The following CENPW variants were observed in gnomAD, a reference collection of about 807,000 sequenced individuals.
CENPW encodes the protein cancer-up-regulated gene 2 protein.
CENPW carries 3 observed loss-of-function variants against 11.1 expected under a neutral mutation model. That is an observed-to-expected ratio of 0.27 (90% CI 0.12 to 0.70). The LOEUF is 0.70. Ranked by LOEUF, CENPW falls within the 30% of genes least tolerant of loss-of-function variation. The pLI is 0.77. For missense variants in CENPW, 100 were observed against 105.6 expected (o/e 0.95, Z 0.23); for synonymous variants, 38 against 42.0 (o/e 0.91, Z 0.37).
the CENPW span, among the ~76,000 whole-genome samples, chr6:126,403,079 A>G: frequency 6.6e-6 from 1 of 152,056 alleles, no homozygotes; most frequent in Non-Finnish European, 1.5e-5. Context: ...GTTTTGGGAC[A>G]CCACAAATTA....
At chr6:126,403,701 G>A in the CENPW span, among the ~76,000 whole-genome samples, 1 of 152,026 alleles carries the variant, frequency 6.6e-6, no homozygotes, top group East Asian at 1.9e-4. Flanking sequence ...AGTACAAGAT[G>A]AAACAGTAAG....
At chr6:126,377,031 C>G in the CENPW span, among the ~76,000 whole-genome samples, 5 of 152,040 alleles carry the variant, frequency 3.3e-5, no homozygotes, top group African/African-American at 1.2e-4. Flanking sequence ...TTAATTATTT[C>G]ATTTGTAGAT....
the CENPW span, among the ~76,000 whole-genome samples, chr6:126,429,733 T>G: frequency 6.6e-6 from 1 of 152,192 alleles, no homozygotes; most frequent in Non-Finnish European, 1.5e-5. Context: ...CCAGTTAGGC[T>G]GAGTTTTAAA....
chr6:126,383,525 G>A, the CENPW span, among the ~76,000 whole-genome samples: 3 of 152,060 alleles, frequency 2.0e-5, no homozygotes, highest in South Asian at 6.2e-4. Flanking sequence ...GTCTTTAAGA[G>A]ACCCATCTCA....
At chr6:126,411,237 T>C in the CENPW span, among the ~76,000 whole-genome samples, 2 of 152,236 alleles carry the variant, frequency 1.3e-5, no homozygotes, top group African/African-American at 4.8e-5. Context: ...CTGCAGATTC[T>C]TCAGCTGTGT....
chr6:126,387,195 TTTATTG>T, the CENPW span, among the ~76,000 whole-genome samples: 1 of 151,966 alleles, frequency 6.6e-6, no homozygotes, highest in Non-Finnish European at 1.5e-5. Flanking sequence ...CATCTTTACC[TTTATTG>T]TTATTGTTAT....
At chr6:126,478,586 A>G in the CENPW span, among the ~76,000 whole-genome samples, 9 of 152,130 alleles carry the variant, frequency 5.9e-5, no homozygotes, top group African/African-American at 2.2e-4. Context: ...CAGTTTTGTC[A>G]GTGACAAAGC....
intron 1 of CENPW, 86 bp from the exon 2 acceptor site, chr6:126,346,119 A>C: frequency 1.5e-6 from 1 of 647,592 alleles, no homozygotes; most frequent in Non-Finnish European, 2.7e-6. Context: ...AGTACAATAC[A>C]TTTTGAGATA....
chr6:126,419,504 G>A, the CENPW span, among the ~76,000 whole-genome samples: 4 of 152,060 alleles, frequency 2.6e-5, no homozygotes, highest in East Asian at 5.8e-4. Context: ...TTCTAGTAAG[G>A]GGAGACAGAT....
the CENPW span, among the ~76,000 whole-genome samples, chr6:126,409,221 A>G: frequency 6.6e-6 from 1 of 152,106 alleles, no homozygotes; most frequent in African/African-American, 2.4e-5. Context: ...TAATTTCCAT[A>G]TATTTGTACC....
At chr6:126,426,536 G>T in the CENPW span, among the ~76,000 whole-genome samples, 1 of 152,054 alleles carries the variant, frequency 6.6e-6, no homozygotes, top group South Asian at 2.1e-4. Context: ...ACATATGATA[G>T]ATATTTAGAT....
At chr6:126,380,663 A>T in the CENPW span, among the ~76,000 whole-genome samples, 1 of 152,132 alleles carries the variant, frequency 6.6e-6, no homozygotes, top group Non-Finnish European at 1.5e-5. Context: ...AAATAAAAAT[A>T]TTTTATTTGC....
At chr6:126,449,039 T>G in the CENPW span, among the ~76,000 whole-genome samples, 1 of 151,144 alleles carries the variant, frequency 6.6e-6, no homozygotes, top group Non-Finnish European at 1.5e-5. Context: ...GAATAATGGG[T>G]CAACTGATGC....
chr6:126,372,300 A>G, the CENPW span, among the ~76,000 whole-genome samples: 2 of 152,198 alleles, frequency 1.3e-5, no homozygotes, highest in Non-Finnish European at 2.9e-5. Context: ...CAATTTATGC[A>G]TGTGAAAAAT....
At chr6:126,471,722 A>T in the CENPW span, among the ~76,000 whole-genome samples, 1 of 152,186 alleles carries the variant, frequency 6.6e-6, no homozygotes, top group African/African-American at 2.4e-5. Flanking sequence ...ATCCCATGTG[A>T]TTTATTTATA....
chr6:126,346,143 A>G, intron 1 of CENPW, 62 bp from the exon 2 acceptor site: 1 of 841,540 alleles, frequency 1.2e-6, no homozygotes, highest in Middle Eastern at 2.5e-4. Context: ...AATTTTTAAA[A>G]ATATTATTTC....
downstream of CENPW, among the ~76,000 whole-genome samples, chr6:126,353,247 G>A (rs978698433): frequency 3.4e-5 from 5 of 146,324 alleles, no homozygotes; most frequent in South Asian, 2.1e-4. Context: ...TTAACAACCC[G>A]AAGAACTCTC....
chr6:126,455,873 G>C, the CENPW span, among the ~76,000 whole-genome samples: 3 of 151,128 alleles, frequency 2.0e-5, no homozygotes, highest in Non-Finnish European at 4.4e-5. Context: ...CTTCAGCAAA[G>C]GTTTTGGATA....
chr6:126,453,147 A>T, the CENPW span, among the ~76,000 whole-genome samples: 1 of 151,142 alleles, frequency 6.6e-6, no homozygotes, highest in Non-Finnish European at 1.5e-5. Context: ...TGAAGATATC[A>T]TTCATAAAAA....
Sources: gnomAD v4.1 joint callset for allele counts (sites outside exome capture counted in the v4.1 genomes callset) on GRCh38, gnomAD v4.1.1 for gene constraint, MANE v1.5 for transcripts, NCBI Gene and HGNC (gene_info 2026-07-23, HGNC 2026-07-21) for gene names.